Variants in TRPA1 observed in about 807,000 individuals in gnomAD.
The protein encoded by TRPA1 is ankyrin-like with transmembrane domains 1.
A neutral mutation model predicts 131.3 loss-of-function variants in TRPA1; 129 were observed. The ratio of observed to expected loss-of-function variants is 0.98; its 90% confidence interval spans 0.85 to 1.14. The LOEUF (loss-of-function observed/expected upper bound fraction) is 1.14. Ranked by LOEUF, TRPA1 falls within the 50% of genes most tolerant of loss-of-function variation. TRPA1 has a pLI of 0.00. For missense variants in TRPA1, 1,304 were observed against 1,354.2 expected (o/e 0.96, Z 0.58); for synonymous variants, 441 against 451.7 (o/e 0.98, Z 0.30).
At chr8:72,057,687 CA>C in intron 9 of TRPA1, 29 bp downstream of exon 9, 6 of 1,561,720 alleles carry the variant, frequency 3.8e-6, no homozygotes, top group Non-Finnish European at 5.3e-6. Context: ...AGTGGCACTT[CA>C]AAAGACTTGG....
At chr8:72,071,085 T>C (rs778727428) in intron 2 of TRPA1, among the ~76,000 whole-genome samples, 2 of 152,202 alleles carry the variant, frequency 1.3e-5, no homozygotes, top group Non-Finnish European at 2.9e-5. Flanking sequence ...CTCTTGAACC[T>C]CTCCCTGTCT....
rs767955262 is a variant in TRPA1 at position 72,057,022 on chromosome 8, A to G, written c.1094-5T>C. 3 of 1,583,634 alleles carry G rather than the reference A, an allele frequency of 1.9e-6. No homozygotes were observed. Among genetic ancestry groups the G allele is most frequent in the East Asian group, 2.3e-5 (1 of 44,056 alleles). On this transcript the variant is annotated splice_region_variant and splice_polypyrimidine_tract_variant and intron_variant, in intron 9 of 26. Transcript: ENST00000262209. ...CTTTTATGTCTACTTGGGCACCTAA[A>G]AAAAAACACTATGTAAATATAAATT...
intron 25 of TRPA1, among the ~76,000 whole-genome samples, chr8:72,025,102 GT>G: frequency 9.0e-6 from 1 of 111,126 alleles, no homozygotes; most frequent in Admixed American, 9.8e-5. Flanking sequence ...GTGTGTGTGT[GT>G]TCGTGTGTGT....
the TRPA1 span, among the ~76,000 whole-genome samples, chr8:72,083,641 G>A: frequency 6.6e-6 from 1 of 152,040 alleles, no homozygotes; most frequent in African/African-American, 2.4e-5. Context: ...TACTCGGGAG[G>A]CTGAGGCAGG....
Position 72,025,983 on chromosome 8 carries a change from G to A in TRPA1, c.3028C>T (p.Pro1010Ser). The change falls in exon 25 of 27, where the codon CCC becomes TCC. Residue 1010 changes from proline (P) to serine (S), a missense_variant. Physicochemically the swap from Pro to Ser is moderately conservative, Grantham distance 74. Transcript: ENST00000262209. ...ACGAATAACATCCCACCAGATCTGG[G>A]TTTGTTGGGATACACGATGGTGGAT... ...QKSTIVYPNK[P>S]RSGGMLFHIF... The A allele has an allele frequency of 6.2e-7, 1 of 1,613,736 alleles. No homozygotes were observed. The highest frequency in any genetic ancestry group is 8.5e-7 in the Non-Finnish European group (1 of 1,179,706).
chr8:72,057,135 C>T lies in TRPA1; in HGVS notation c.1094-118G>A, dbSNP rs143789354. The T allele has an allele frequency of 1.0e-4, 81 of 771,760 alleles. No homozygotes were observed. The East Asian group carries it at 2.2e-3, about 21-fold the overall frequency. The allele number at this position is 771,760 out of a possible 1,614,324, so 47.8% of individuals were successfully genotyped here. A position where few individuals can be genotyped will look rare whatever the true frequency, so the allele number is the denominator to read the frequency against. ...AAAAATATTGTCGACCTTTAGTTTA[C>T]AGGAAATTGTGTTTAGATGAGAAAA... On this transcript the variant is annotated intron_variant, in intron 9 of 26. Coordinates refer to ENST00000262209, the MANE Select transcript of TRPA1 (RefSeq NM_007332.3).
chr8:72,023,927 T>C lies in TRPA1; in HGVS notation c.3052-16A>G. The C allele has an allele frequency of 6.7e-7, 1 of 1,493,560 alleles. No individual in the cohort carries two copies. The highest frequency in any genetic ancestry group is 9.3e-7 in the Non-Finnish European group (1 of 1,071,668). The allele number at this position is 1,493,560 out of a possible 1,614,324, so 92.5% of individuals were successfully genotyped here. On this transcript the variant is annotated splice_polypyrimidine_tract_variant and intron_variant, in intron 25 of 26. Coordinates refer to ENST00000262209, the MANE Select transcript of TRPA1 (RefSeq NM_007332.3). ...AGAATATATGCTGTCGGATAAAAAA[T>C]AGTAGTTACTCAAATTGAATTCAAT...
At position 72,073,209 on chromosome 8, in the gene TRPA1, T is replaced by A. The variant is rs192383323; in HGVS notation, c.112-1342A>T. Among the ~76,000 whole-genome samples, 389 of 152,342 alleles carry A rather than the reference T, an allele frequency of 2.6e-3. 4 individuals are homozygous for A. The highest frequency in any genetic ancestry group is 8.3e-3 in the African/African-American group (347 of 41,576). On this transcript the variant is annotated intron_variant, in intron 1 of 26. Coordinates refer to ENST00000262209, the MANE Select transcript of TRPA1 (RefSeq NM_007332.3). ...TTAGGTTGCTTTAATGAAATACATATAAGTAGCAATGTGGCCAAAAGGTTG... is the reference window on the plus strand; with the variant it reads ...TTAGGTTGCTTTAATGAAATACATAAAAGTAGCAATGTGGCCAAAAGGTTG...
chr8:72,049,219 T>C (rs4737338), intron 15 of TRPA1, among the ~76,000 whole-genome samples: 56,900 of 151,976 alleles, frequency 0.37, 11,151 homozygotes, highest in East Asian at 0.55. Flanking sequence ...ACAAAAATAG[T>C]AGGAGGTATA....
chr8:72,056,002 G>A lies in TRPA1; in HGVS notation c.1195-147C>T, dbSNP rs1458944457. ...ATTGTAAATAACCTAAAGGATTTGA[G>A]AGTAATATAAATATGAATGAAGTTG... On this transcript the variant is annotated intron_variant, in intron 10 of 26. Transcript: ENST00000262209. The A allele has an allele frequency of 5.5e-5, 39 of 712,356 alleles. 1 individual carries two copies. In the East Asian group the frequency reaches 1.0e-3, roughly 19 times the overall value. 44.1% of individuals were successfully genotyped at this position (712,356 alleles called of 1,614,324 possible).
chr8:72,031,317 A>G (rs1182422483), intron 23 of TRPA1, among the ~76,000 whole-genome samples: 1 of 152,150 alleles, frequency 6.6e-6, no homozygotes, highest in Non-Finnish European at 1.5e-5. Flanking sequence ...AGCATTTTAC[A>G]TCTGTAATCC....
At chr8:72,061,192 T>C (rs370518700) in intron 7 of TRPA1, among the ~76,000 whole-genome samples, 3 of 152,312 alleles carry the variant, frequency 2.0e-5, no homozygotes, top group Admixed American at 6.5e-5. Flanking sequence ...TTTGAAACCA[T>C]TTATCTATAA....
rs1805838882 is a variant in TRPA1 at position 72,062,841 on chromosome 8, G to T, written c.765C>A (p.Ile255=). Residue 255 remains isoleucine, a synonymous_variant, in exon 6 of 27, where the codon ATC becomes ATA. Transcript: ENST00000262209. ...LAVQNGDLEM[I]KMCLDNGAQI... is the part of the protein sequence containing the mutation. The stretch of plus-strand genomic sequence containing the variant: ...GTGCACCATTGTCCAGGCACATTTT[G>T]ATCATTTCCAAGTCACCATTTTGCA... 1.9e-6 allele frequency: 3 copies of T among 1,613,996 alleles called. No homozygotes were observed. The highest frequency in any genetic ancestry group is 2.5e-6 in the Non-Finnish European group (3 of 1,179,996).
At chr8:72,083,141 T>G in the TRPA1 span, among the ~76,000 whole-genome samples, 70 of 152,252 alleles carry the variant, frequency 4.6e-4, no homozygotes, top group African/African-American at 1.6e-3. Context: ...GTTCTTTTTG[T>G]TTTTAGTTTA....
At chr8:72,059,024 C>G (rs982547162) in intron 8 of TRPA1, among the ~76,000 whole-genome samples, 4 of 152,194 alleles carry the variant, frequency 2.6e-5, no homozygotes, top group Admixed American at 6.5e-5. Flanking sequence ...GCTGCCTGTC[C>G]TGCCTCCACC....
rs756768413 is a variant in TRPA1, at chr8:72,023,057, T to C, written c.3209A>G (p.Gln1070Arg). 2.4e-5 allele frequency: 38 copies of C among 1,613,694 alleles called. No homozygotes were observed. In the East Asian group the frequency reaches 8.2e-4, roughly 35 times the overall value. The change falls in exon 27 of 27, where the codon CAG becomes CGG. Residue 1070 changes from glutamine to arginine, a missense_variant. Transcript: ENST00000262209. ...KQHELIKLIIQKMEIISETED... is the reference protein window; with the variant it reads ...KQHELIKLIIRKMEIISETED... ...TGTCTCAGAGATGATCTCCATCTTC[T>C]GAATGATCAGTTTAATGAGCTCATG...
intron 1 of TRPA1, among the ~76,000 whole-genome samples, chr8:72,074,909 C>G (rs570628039): frequency 3.2e-4 from 48 of 152,210 alleles, no homozygotes; most frequent in African/African-American, 1.1e-3. Context: ...AGTTATCCAA[C>G]GACTACCAGA....
At chr8:72,089,820 G>T in the TRPA1 span, among the ~76,000 whole-genome samples, 1 of 152,022 alleles carries the variant, frequency 6.6e-6, no homozygotes, top group Non-Finnish European at 1.5e-5. Context: ...CTGGCATTCA[G>T]ATGTATATGT....
chr8:72,038,507 T>C (rs1179771385), intron 19 of TRPA1, among the ~76,000 whole-genome samples: 6 of 152,096 alleles, frequency 3.9e-5, no homozygotes, highest in Non-Finnish European at 7.4e-5. Flanking sequence ...TCATCTTGGA[T>C]GGAAACCACA....
Sources: gnomAD v4.1 joint callset for allele counts (sites outside exome capture counted in the v4.1 genomes callset) on GRCh38, gnomAD v4.1.1 for gene constraint, MANE v1.5 for transcripts, NCBI Gene and HGNC (gene_info 2026-07-23, HGNC 2026-07-21) for gene names.